PALM2AKAP2: variants seen among roughly 807,000 people sequenced by gnomAD.
PALM2AKAP2 encodes PALM2 and AKAP2 fusion.
Under a neutral mutation model 71.5 loss-of-function variants are expected in PALM2AKAP2, and 37 were observed. The observed-to-expected ratio is 0.52, with a 90% confidence interval of 0.40 to 0.68. The LOEUF (loss-of-function observed/expected upper bound fraction) is 0.68. Ranked by LOEUF, PALM2AKAP2 falls within the 30% of genes least tolerant of loss-of-function variation. The pLI is 0.00. For synonymous variants in PALM2AKAP2, 468 were observed against 478.8 expected, an observed-to-expected ratio of 0.98 and a Z score of 0.29; for missense variants, 1,224 against 1,191.8, an observed-to-expected ratio of 1.03 and a Z score of -0.40.
intron 1 of PALM2AKAP2, among the ~76,000 whole-genome samples, chr9:109,796,375 T>C (rs1451511115): frequency 6.6e-6 from 1 of 152,232 alleles, no homozygotes; most frequent in Non-Finnish European, 1.5e-5. Flanking sequence ...AAAGATAACA[T>C]GCTTTTTTAT....
At chr9:109,978,194 G>C (rs1414307865) in intron 6 of PALM2AKAP2, among the ~76,000 whole-genome samples, 1 of 152,046 alleles carries the variant, frequency 6.6e-6, no homozygotes, top group Non-Finnish European at 1.5e-5. Context: ...GAGGGGAGAA[G>C]GAAAGTCTCA....
chr9:110,081,975 A>G (rs1834459301), intron 1 of PALM2AKAP2, among the ~76,000 whole-genome samples: 1 of 152,064 alleles, frequency 6.6e-6, no homozygotes, highest in South Asian at 2.1e-4. Flanking sequence ...CAACCTTTTA[A>G]TGTGTGCAGT....
chr9:109,907,653 T>G (rs1229658271), intron 3 of PALM2AKAP2, among the ~76,000 whole-genome samples: 1 of 152,052 alleles, frequency 6.6e-6, no homozygotes, highest in Admixed American at 6.5e-5. Flanking sequence ...GCACAACCCA[T>G]GTGGAGGAGC....
chr9:109,747,258 T>A (rs1381889537), intron 1 of PALM2AKAP2, among the ~76,000 whole-genome samples: 1 of 152,150 alleles, frequency 6.6e-6, no homozygotes, highest in African/African-American at 2.4e-5. Context: ...GTGGTTTATG[T>A]CAGGCTAGCC....
chr9:110,135,802 G>GTA (rs940079367), intron 1 of PALM2AKAP2, among the ~76,000 whole-genome samples: 1 of 152,214 alleles, frequency 6.6e-6, no homozygotes, highest in African/African-American at 2.4e-5. Context: ...ATTAATAGTC[G>GTA]TATTGCACAG....
intron 2 of PALM2AKAP2, among the ~76,000 whole-genome samples, chr9:109,877,258 TAGAG>T (rs1240012155): frequency 1.3e-5 from 2 of 151,788 alleles, no homozygotes; most frequent in Admixed American, 6.6e-5. Context: ...CCCAAATAAT[TAGAG>T]AGAAGGAAAG....
At position 110,039,502 on chromosome 9, in the gene PALM2AKAP2, G is replaced by A. The variant is rs953286357; in HGVS notation, c.582+23463G>A. Among the ~76,000 whole-genome samples the A allele has an allele frequency of 2.0e-5, 3 of 152,154 alleles. No individual in the cohort carries two copies. The East Asian group carries it at 5.8e-4, about 29-fold the overall frequency. ...TTTCCTAAGGTCACATAGCCAGTAA[G>A]TGACAGGTCAGGATTCCAATCCAGG... On this transcript the variant is annotated intron_variant, in intron 7 of 9. Transcript: ENST00000302798.
At chr9:109,669,778 A>G (rs1391304976) in intron 1 of PALM2AKAP2, among the ~76,000 whole-genome samples, 1 of 152,034 alleles carries the variant, frequency 6.6e-6, no homozygotes, top group East Asian at 1.9e-4. Flanking sequence ...GTGCATAGGA[A>G]TCTATACTGA....
chr9:110,101,879 A>G (rs1835009142), intron 1 of PALM2AKAP2, among the ~76,000 whole-genome samples: 1 of 152,182 alleles, frequency 6.6e-6, no homozygotes, highest in East Asian at 1.9e-4. Context: ...AGCCTGTTGG[A>G]TCACTGGTCC....
At chr9:109,762,826 C>T (rs868710039) in intron 1 of PALM2AKAP2, among the ~76,000 whole-genome samples, 26 of 152,366 alleles carry the variant, frequency 1.7e-4, no homozygotes, top group Middle Eastern at 3.4e-3. Context: ...TCCTACCCTC[C>T]TTTTATCTCA....
chr9:110,140,771 C>T (rs1198143000), intron 2 of PALM2AKAP2, among the ~76,000 whole-genome samples: 3 of 152,174 alleles, frequency 2.0e-5, no homozygotes, highest in East Asian at 1.9e-4. Context: ...GCCACTGCCA[C>T]GACCCTTCAC....
chr9:109,865,827 A>G (rs1241139292), intron 1 of PALM2AKAP2, among the ~76,000 whole-genome samples: 1 of 152,180 alleles, frequency 6.6e-6, no homozygotes, highest in Non-Finnish European at 1.5e-5. Context: ...GAGATTCTAG[A>G]ATGTAGAGAT....
chr9:109,990,534 T>TAAAAAGCAG (rs1021857544), intron 6 of PALM2AKAP2, among the ~76,000 whole-genome samples: 8 of 152,206 alleles, frequency 5.3e-5, no homozygotes, highest in African/African-American at 1.9e-4. Context: ...GATCCTAGTC[T>TAAAAAGCAG]AAAAAGCAGG....
chr9:109,962,752 C>T (rs1588034956), intron 6 of PALM2AKAP2, among the ~76,000 whole-genome samples: 2 of 152,114 alleles, frequency 1.3e-5, no homozygotes, highest in Admixed American at 6.5e-5. Flanking sequence ...AAGCGATTCT[C>T]CTGCCTCAGC....
chr9:109,806,564 T>C (rs910442549), intron 1 of PALM2AKAP2, among the ~76,000 whole-genome samples: 1 of 152,216 alleles, frequency 6.6e-6, no homozygotes, highest in Non-Finnish European at 1.5e-5. Context: ...GGGAGGGGGA[T>C]ACCTTCATAG....
intron 1 of PALM2AKAP2, among the ~76,000 whole-genome samples, chr9:110,100,037 ATATG>A (rs1834954389): frequency 8.7e-6 from 1 of 114,908 alleles, no homozygotes; most frequent in African/African-American, 3.5e-5. Flanking sequence ...ACATATATGC[ATATG>A]TATGTGTGTC....
chr9:109,870,899 C>T (rs1048790121), intron 2 of PALM2AKAP2, among the ~76,000 whole-genome samples: 3 of 152,160 alleles, frequency 2.0e-5, no homozygotes, highest in African/African-American at 7.2e-5. Context: ...ATTTGTTTCA[C>T]TAATTTGCAA....
At chr9:110,110,781 A>C (rs1462986343) in intron 1 of PALM2AKAP2, among the ~76,000 whole-genome samples, 2 of 151,934 alleles carry the variant, frequency 1.3e-5, no homozygotes, top group African/African-American at 4.8e-5. Context: ...TCCCGCCCTC[A>C]AATGATCCAC....
At chr9:109,939,022 C>T in intron 6 of PALM2AKAP2, among the ~76,000 whole-genome samples, 1 of 151,958 alleles carries the variant, frequency 6.6e-6, no homozygotes, top group East Asian at 1.9e-4. Context: ...GAGTAAGACT[C>T]TGTCTCAAAA....
Sources: gnomAD v4.1 joint callset for allele counts (sites outside exome capture counted in the v4.1 genomes callset) on GRCh38, gnomAD v4.1.1 for gene constraint, MANE v1.5 for transcripts, NCBI Gene and HGNC (gene_info 2026-07-23, HGNC 2026-07-21) for gene names.